Variants in R3HDM2 observed in about 807,000 individuals in gnomAD.
The protein encoded by R3HDM2 is R3H domain-containing protein 2.
In R3HDM2, 38 loss-of-function variants were observed where a neutral mutation model predicts 124.5. The observed-to-expected ratio is 0.31, with a 90% CI of 0.24 to 0.40. The LOEUF (loss-of-function observed/expected upper bound fraction) is 0.40, where lower values mean the gene tolerates loss of function less well. R3HDM2 is among the 10% of genes least tolerant of loss of function. The pLI, the probability that R3HDM2 is intolerant of heterozygous loss-of-function variation, is 1.00. For synonymous variants in R3HDM2, 391 were observed against 448.0 expected (o/e 0.87, Z 1.61); for missense variants, 869 against 1,236.9 (o/e 0.70, Z 4.46).
intron 3 of R3HDM2, among the ~76,000 whole-genome samples, chr12:57,305,401 T>C (rs1013047594): frequency 2.0e-5 from 3 of 152,142 alleles, no homozygotes; most frequent in Non-Finnish European, 4.4e-5. Context: ...ATAATGACCA[T>C]ATCATTGAAT....
rs548258904 is a variant in R3HDM2 at position 57,283,279 on chromosome 12, A to C, written c.1171+545T>G. Among the ~76,000 whole-genome samples, 3 of 152,208 alleles carry C rather than the reference A, an allele frequency of 2.0e-5. No individual in the cohort carries two copies. The South Asian group carries it at 6.2e-4, about 32-fold the overall frequency. ...ACCTTACATGAAAATCAGAGAAAAT[A>C]ATCTAATCACAATCAATTCTTTTTT... On this transcript the variant is annotated intron_variant, in intron 13 of 23. Transcript: ENST00000402412.
chr12:57,393,817 G>A (rs2067088491), intron 2 of R3HDM2, among the ~76,000 whole-genome samples: 1 of 152,188 alleles, frequency 6.6e-6, no homozygotes, highest in Non-Finnish European at 1.5e-5. Context: ...AGCGGCACAA[G>A]TGTCTTATCA....
Position 57,283,888 on chromosome 12 carries a change from G to A in R3HDM2, c.1107C>T (p.Ile369=). 1 of 1,614,234 alleles carries A rather than the reference G, an allele frequency of 6.2e-7. No individual in the cohort carries two copies. Among genetic ancestry groups the A allele is most frequent in the Non-Finnish European group, 8.5e-7 (1 of 1,180,044 alleles). ...TKASSFSGIS[I]LTRGDSIGSS... ...TGCCGATGCTGTCACCTCGGGTAAGGATAGAGATTCCACTGAAGCTGCTAG... is the reference window on the plus strand; with the variant it reads ...TGCCGATGCTGTCACCTCGGGTAAGAATAGAGATTCCACTGAAGCTGCTAG... The change falls in exon 13 of 24, where the codon ATC becomes ATT. Residue 369 remains isoleucine, a synonymous_variant. Transcript: ENST00000402412.
chr12:57,391,486 C>T (rs745363479), intron 2 of R3HDM2, among the ~76,000 whole-genome samples: 21 of 152,136 alleles, frequency 1.4e-4, no homozygotes, highest in Admixed American at 4.6e-4. Context: ...CAAGAAAGAT[C>T]CTTGTGGGGA....
intron 2 of R3HDM2, among the ~76,000 whole-genome samples, chr12:57,367,141 T>C (rs983619365): frequency 3.3e-5 from 5 of 152,194 alleles, no homozygotes; most frequent in Admixed American, 6.5e-5. Context: ...CTACTCAATG[T>C]CCCAGGTGTT....
intron 2 of R3HDM2, among the ~76,000 whole-genome samples, chr12:57,365,809 G>A (rs867149432): frequency 5.0e-4 from 76 of 152,182 alleles, no homozygotes; most frequent in African/African-American, 1.8e-3. Context: ...GGTGGTAGGT[G>A]CCTGTAATCC....
In R3HDM2 at chr12:57,329,056, T is replaced by C. The variant is rs143731546; in HGVS notation, c.-35-18593A>G. On this transcript the variant is annotated intron_variant, in intron 2 of 23. Transcript: ENST00000402412. ...TCTCATATATATAAAAAACACACAC[T>C]AAGTATAATAATGAAAAAATAATAA... 3.3e-5 allele frequency among the ~76,000 whole-genome samples: 5 copies of C among 152,206 alleles called. No individual in the cohort carries two copies. In the East Asian group the frequency reaches 9.6e-4, roughly 29 times the overall value.
intron 3 of R3HDM2, among the ~76,000 whole-genome samples, chr12:57,308,112 T>C (rs1418424176): frequency 1.4e-5 from 2 of 148,090 alleles, no homozygotes; most frequent in Non-Finnish European, 3.0e-5. Flanking sequence ...TGGAGTGCAG[T>C]GGGGTGATCT....
intron 2 of R3HDM2, among the ~76,000 whole-genome samples, chr12:57,394,548 A>G (rs190184568): frequency 1.3e-5 from 2 of 152,198 alleles, no homozygotes; most frequent in African/African-American, 2.4e-5. Flanking sequence ...TATACCTTTA[A>G]TATGTGCAGT....
intron 12 of R3HDM2, among the ~76,000 whole-genome samples, chr12:57,288,396 C>CTA (rs371968155): frequency 3.8e-4 from 57 of 150,396 alleles, no homozygotes; most frequent in Admixed American, 2.0e-3. Flanking sequence ...CTCTCTCTCT[C>CTA]TATATATATA....
chr12:57,263,157 T>A (rs1273386181), intron 19 of R3HDM2, among the ~76,000 whole-genome samples: 6 of 152,132 alleles, frequency 3.9e-5, no homozygotes, highest in Non-Finnish European at 8.8e-5. Flanking sequence ...GATCTTGCAT[T>A]TGAAGATGAA....
At chr12:57,338,809 T>A (rs1371103549) in intron 2 of R3HDM2, among the ~76,000 whole-genome samples, 1 of 152,052 alleles carries the variant, frequency 6.6e-6, no homozygotes, top group South Asian at 2.1e-4. Context: ...CTGCCATTTT[T>A]TTTTTTTCAA....
intron 19 of R3HDM2, among the ~76,000 whole-genome samples, chr12:57,265,128 A>G (rs1350246543): frequency 6.6e-6 from 1 of 152,178 alleles, no homozygotes; most frequent in Non-Finnish European, 1.5e-5. Context: ...CATGATGTCC[A>G]TTTATTTTCC....
intron 2 of R3HDM2, among the ~76,000 whole-genome samples, chr12:57,387,670 C>T (rs954579563): frequency 6.6e-6 from 1 of 152,142 alleles, no homozygotes; most frequent in East Asian, 1.9e-4. Context: ...AGTTTGAGAA[C>T]CACTGAGTGA....
intron 14 of R3HDM2, among the ~76,000 whole-genome samples, chr12:57,272,295 G>GTA: frequency 6.6e-6 from 1 of 152,230 alleles, no homozygotes; most frequent in Middle Eastern, 3.4e-3. Context: ...TTAGCATGGA[G>GTA]TATAGTTCAG....
At chr12:57,322,294 AAAAC>A (rs1209858315) in intron 2 of R3HDM2, among the ~76,000 whole-genome samples, 1 of 152,240 alleles carries the variant, frequency 6.6e-6, no homozygotes, top group Non-Finnish European at 1.5e-5. Context: ...TAACTACACC[AAAAC>A]AAACAAACCC....
intron 3 of R3HDM2, among the ~76,000 whole-genome samples, chr12:57,307,913 T>C (rs1463974316): frequency 2.0e-5 from 3 of 152,024 alleles, no homozygotes; most frequent in Admixed American, 1.3e-4. Flanking sequence ...CTGAATACTT[T>C]GCAAAAGGAA....
At chr12:57,390,999 C>T (rs1210516959) in intron 2 of R3HDM2, among the ~76,000 whole-genome samples, 1 of 142,792 alleles carries the variant, frequency 7.0e-6, no homozygotes, top group African/African-American at 2.6e-5. Flanking sequence ...GCAACAACAA[C>T]AAAACTCCGT....
chr12:57,405,248 C>T (rs1032274984), intron 1 of R3HDM2, among the ~76,000 whole-genome samples: 2 of 152,076 alleles, frequency 1.3e-5, no homozygotes, highest in African/African-American at 4.8e-5. Flanking sequence ...ACTAGGCTGG[C>T]TTTTATACTT....
Sources: allele counts gnomAD v4.1 joint callset (sites outside exome capture counted in the v4.1 genomes callset), GRCh38; gene constraint gnomAD v4.1.1; transcripts MANE v1.5; gene names NCBI Gene and HGNC (gene_info 2026-07-23, HGNC 2026-07-21).